SEMA3C: variants seen among roughly 807,000 people sequenced by gnomAD.
The protein encoded by SEMA3C is semaphorin 3C.
SEMA3C carries 47 observed loss-of-function variants against 89.4 expected under a neutral mutation model. The ratio of observed to expected loss-of-function variants is 0.53; its 90% confidence interval spans 0.42 to 0.67. The LOEUF is 0.67. Among genes scored for constraint, SEMA3C ranks in the 30% least tolerant of loss-of-function variants. The pLI, the probability that SEMA3C is intolerant of heterozygous loss-of-function variation, is 0.00. For synonymous variants in SEMA3C, 310 were observed against 320.2 expected, an observed-to-expected ratio of 0.97 and a Z score of 0.34; for missense variants, 839 against 929.1, an observed-to-expected ratio of 0.90 and a Z score of 1.26.
chr7:80,754,002 A>T (rs974665470), intron 15 of SEMA3C, among the ~76,000 whole-genome samples: 1 of 152,106 alleles, frequency 6.6e-6, no homozygotes, highest in Non-Finnish European at 1.5e-5. Flanking sequence ...CAGTGGTGCA[A>T]TCTCGGCTCG....
intron 15 of SEMA3C, among the ~76,000 whole-genome samples, chr7:80,756,732 G>A (rs1272982010): frequency 6.6e-6 from 1 of 152,018 alleles, no homozygotes; most frequent in South Asian, 2.1e-4. Context: ...CCTCTTCCTG[G>A]AATGTTATTC....
intron 2 of SEMA3C, among the ~76,000 whole-genome samples, chr7:80,872,179 C>T (rs1298667504): frequency 6.6e-6 from 1 of 152,090 alleles, no homozygotes; most frequent in Non-Finnish European, 1.5e-5. Flanking sequence ...CAGACAGAGT[C>T]TCGCTCTGTC....
In SEMA3C at chr7:80,909,726, C is replaced by A. The variant is rs1005082253; in HGVS notation, c.103+6953G>T. 3.3e-5 allele frequency among the ~76,000 whole-genome samples: 5 copies of A among 152,176 alleles called. No individual in the cohort carries two copies. The East Asian group carries it at 9.7e-4, about 29-fold the overall frequency. ...TGATGTACATAGCACATCAAACGAG[C>A]TCTTGATTACAAGAGCAGTAACTTG... On this transcript the variant is annotated intron_variant, in intron 2 of 17. Coordinates refer to ENST00000265361, the MANE Select transcript of SEMA3C (RefSeq NM_006379.5).
chr7:80,818,210 T>C (rs1321147190), intron 5 of SEMA3C, 89 bp downstream of exon 5: 37 of 1,226,056 alleles, frequency 3.0e-5, no homozygotes, highest in Non-Finnish European at 3.9e-5. Flanking sequence ...TTATGAATAT[T>C]GATATGTCCA....
At chr7:80,762,458 G>A (rs1788207249) in intron 13 of SEMA3C, among the ~76,000 whole-genome samples, 1 of 152,222 alleles carries the variant, frequency 6.6e-6, no homozygotes, top group South Asian at 2.1e-4. Flanking sequence ...TTCTGGAATA[G>A]TACTATGCTT....
intron 2 of SEMA3C, among the ~76,000 whole-genome samples, chr7:80,906,857 G>T (rs1254447083): frequency 1.3e-5 from 2 of 152,038 alleles, no homozygotes; most frequent in African/African-American, 4.8e-5. Context: ...GTAGCCAAGC[G>T]GTAGGGGCTG....
At chr7:80,920,900 T>C (rs938435946), upstream of SEMA3C, among the ~76,000 whole-genome samples, 2 of 152,206 alleles carry the variant, frequency 1.3e-5, no homozygotes, top group African/African-American at 4.8e-5. Flanking sequence ...ATTCGGCATT[T>C]ATATATTAAG....
chr7:80,893,453 C>A (rs918625099), intron 2 of SEMA3C, among the ~76,000 whole-genome samples: 1 of 152,168 alleles, frequency 6.6e-6, no homozygotes, highest in Non-Finnish European at 1.5e-5. Context: ...TTTTACACCC[C>A]TTTTCCTTTA....
At chr7:80,788,719 T>C (rs544976216) in intron 12 of SEMA3C, among the ~76,000 whole-genome samples, 5 of 152,322 alleles carry the variant, frequency 3.3e-5, no homozygotes, top group South Asian at 4.1e-4. Context: ...CTGTCTATAT[T>C]TGAGTCACAT....
At chr7:80,784,003 TCA>T (rs964424131) in intron 12 of SEMA3C, among the ~76,000 whole-genome samples, 1 of 152,174 alleles carries the variant, frequency 6.6e-6, no homozygotes, top group African/African-American at 2.4e-5. Context: ...AAGAATACTC[TCA>T]CTCTTTCATC....
At chr7:80,782,689 T>C (rs889346427) in intron 12 of SEMA3C, among the ~76,000 whole-genome samples, 3 of 152,146 alleles carry the variant, frequency 2.0e-5, no homozygotes, top group Non-Finnish European at 4.4e-5. Flanking sequence ...TAAATGCAAC[T>C]CATTCATTCA....
Position 80,884,917 on chromosome 7 carries a change from G to A in SEMA3C, c.103+31762C>T, listed in dbSNP as rs570081797. On this transcript the variant is annotated intron_variant, in intron 2 of 17. Transcript: ENST00000265361. The stretch of plus-strand genomic sequence containing the variant: ...AATAATAAACATTAAGGCCAGTACC[G>A]GCATTTTAAAAATACAGATTAGATG... 8.0e-4 allele frequency among the ~76,000 whole-genome samples: 121 copies of A among 152,200 alleles called. 1 individual carries two copies. The highest frequency in any genetic ancestry group is 2.7e-3 in the African/African-American group (113 of 41,528).
chr7:80,841,081 CAG>C (rs1343277234), intron 2 of SEMA3C, among the ~76,000 whole-genome samples: 1 of 152,074 alleles, frequency 6.6e-6, no homozygotes, highest in Non-Finnish European at 1.5e-5. Context: ...CCAACCAACA[CAG>C]AAAGATCCAA....
rs77673078 is a variant in SEMA3C at position 80,878,581 on chromosome 7, G to A, written c.103+38098C>T. On this transcript the variant is annotated intron_variant, in intron 2 of 17. Coordinates refer to ENST00000265361, the MANE Select transcript of SEMA3C (RefSeq NM_006379.5). Reference sequence around the variant, plus strand: ...TTTACTGGATACAAAACAAGGAAGAGAAAGGAGTTTGGTGAAAGGAGTGAG... The same window carrying A: ...TTTACTGGATACAAAACAAGGAAGAAAAAGGAGTTTGGTGAAAGGAGTGAG... 9.1e-4 allele frequency among the ~76,000 whole-genome samples: 139 copies of A among 152,234 alleles called. 1 individual carries two copies. The highest frequency in any genetic ancestry group is 3.2e-3 in the African/African-American group (133 of 41,534).
intron 14 of SEMA3C, 150 bp from the exon 15 acceptor site, chr7:80,758,638 C>T (rs1788120087): frequency 1.4e-6 from 1 of 737,232 alleles, no homozygotes. Context: ...GGTATGAAGC[C>T]AAAATAAATA....
intron 2 of SEMA3C, among the ~76,000 whole-genome samples, chr7:80,886,152 G>C (rs1791469816): frequency 6.6e-6 from 1 of 151,744 alleles, no homozygotes; most frequent in South Asian, 2.1e-4. Flanking sequence ...CTATCTAATA[G>C]AAAAGACCAA....
At chr7:80,854,855 T>G (rs1168646814) in intron 2 of SEMA3C, among the ~76,000 whole-genome samples, 2 of 152,314 alleles carry the variant, frequency 1.3e-5, no homozygotes, top group East Asian at 1.9e-4. Flanking sequence ...ACTATAGTGG[T>G]TTGAAACTTT....
At chr7:80,906,578 C>G (rs1340422376) in intron 2 of SEMA3C, among the ~76,000 whole-genome samples, 1 of 152,056 alleles carries the variant, frequency 6.6e-6, no homozygotes, top group Non-Finnish European at 1.5e-5. Context: ...AAAACAAATA[C>G]AAGAGATCAA....
Position 80,818,438 on chromosome 7 carries a change from A to C in SEMA3C, c.328-20T>G, listed in dbSNP as rs762210644. The C allele has an allele frequency of 3.1e-6, 5 of 1,607,568 alleles. No homozygotes were observed. The highest frequency in any genetic ancestry group is 4.3e-6 in the Non-Finnish European group (5 of 1,174,708). ...GCCGTGCTAAAAGAATCAGTAAATA[A>C]GCAGTTAGTAACTCAATGACTTTCA... On this transcript the variant is annotated intron_variant, in intron 4 of 17. Transcript: ENST00000265361.
Sources: allele counts gnomAD v4.1 joint callset (sites outside exome capture counted in the v4.1 genomes callset), GRCh38; gene constraint gnomAD v4.1.1; transcripts MANE v1.5; gene names NCBI Gene and HGNC (gene_info 2026-07-23, HGNC 2026-07-21).